NCKAP5: variants seen among roughly 807,000 people sequenced by gnomAD.
The protein encoded by NCKAP5 is NCK associated protein 5.
Under a neutral mutation model 167.0 loss-of-function variants are expected in NCKAP5, and 92 were observed. The observed-to-expected ratio is 0.55, with a 90% CI of 0.47 to 0.66. NCKAP5 has a LOEUF of 0.66. Among genes scored for constraint, NCKAP5 ranks in the 30% least tolerant of loss-of-function variants. NCKAP5 has a pLI of 0.00. For synonymous variants in NCKAP5, 891 were observed against 877.4 expected (o/e 1.02, Z -0.27); for missense variants, 2,378 against 2,315.0 (o/e 1.03, Z -0.56).
chr2:133,043,658 G>A (rs918860795), intron 6 of NCKAP5, among the ~76,000 whole-genome samples: 11 of 152,158 alleles, frequency 7.2e-5, no homozygotes, highest in African/African-American at 2.7e-4. Flanking sequence ...TGTTTCATAA[G>A]AGTTAACATT....
chr2:133,475,691 T>C (rs1471541632), intron 3 of NCKAP5, among the ~76,000 whole-genome samples: 9 of 152,230 alleles, frequency 5.9e-5, no homozygotes, highest in Non-Finnish European at 1.2e-4. Context: ...TTAGCCATGC[T>C]TTCCACAGAT....
At chr2:133,180,385 A>G (rs2084678034) in intron 5 of NCKAP5, among the ~76,000 whole-genome samples, 2 of 151,982 alleles carry the variant, frequency 1.3e-5, no homozygotes, top group East Asian at 3.9e-4. Context: ...TTCAGGCTAT[A>G]GTACAGTGGC....
At chr2:133,655,532 C>T in the NCKAP5 span, among the ~76,000 whole-genome samples, 10 of 152,202 alleles carry the variant, frequency 6.6e-5, no homozygotes, top group South Asian at 8.3e-4. Flanking sequence ...TACAGGTCTG[C>T]GATAGATTCA....
At chr2:133,027,372 C>G (rs761604472) in intron 6 of NCKAP5, among the ~76,000 whole-genome samples, 3 of 152,072 alleles carry the variant, frequency 2.0e-5, no homozygotes, top group Non-Finnish European at 4.4e-5. Context: ...TATTCCAAAC[C>G]CCATTTTAAG....
At chr2:132,758,992 G>A (rs556895492) in intron 16 of NCKAP5, among the ~76,000 whole-genome samples, 18 of 152,232 alleles carry the variant, frequency 1.2e-4, no homozygotes, top group Admixed American at 1.2e-3. Context: ...ACTACCCGTT[G>A]ATAAAGTAAC....
intron 3 of NCKAP5, among the ~76,000 whole-genome samples, chr2:133,516,202 T>C (rs956819433): frequency 1.3e-5 from 2 of 152,022 alleles, no homozygotes; most frequent in South Asian, 4.2e-4. Context: ...GGCTGAGAAA[T>C]TATCTCTTTA....
chr2:132,803,574 C>T (rs1025829859), intron 11 of NCKAP5, among the ~76,000 whole-genome samples: 28 of 152,308 alleles, frequency 1.8e-4, no homozygotes, highest in African/African-American at 5.8e-4. Flanking sequence ...AAAGTTTATT[C>T]GTGGTCTCTG....
At chr2:133,473,304 C>T (rs1679526859) in intron 3 of NCKAP5, among the ~76,000 whole-genome samples, 2 of 151,990 alleles carry the variant, frequency 1.3e-5, no homozygotes, top group African/African-American at 4.8e-5. Flanking sequence ...TGCACTCCAG[C>T]CTGGGCGACA....
intron 3 of NCKAP5, among the ~76,000 whole-genome samples, chr2:133,427,998 A>G (rs1689920382): frequency 6.6e-6 from 1 of 152,110 alleles, no homozygotes; most frequent in African/African-American, 2.4e-5. Context: ...ATATTTGGAT[A>G]CAGGTATTAT....
At chr2:133,588,159 G>T in the NCKAP5 span, among the ~76,000 whole-genome samples, 1 of 152,076 alleles carries the variant, frequency 6.6e-6, no homozygotes, top group Non-Finnish European at 1.5e-5. Context: ...TGTATTTCTT[G>T]TTGGCAATGA....
rs1344440440 is a variant in NCKAP5 at position 133,272,282 on chromosome 2, A to G, written c.143+30755T>C. On this transcript the variant is annotated intron_variant, in intron 4 of 19. Coordinates refer to ENST00000409261, the MANE Select transcript of NCKAP5 (RefSeq NM_207363.3). Reference sequence around the variant, plus strand: ...TGAAATCAAAGTCTAATAAAAGAGAACACAAATCAATACAGGATCAATAAA... The same window carrying G: ...TGAAATCAAAGTCTAATAAAAGAGAGCACAAATCAATACAGGATCAATAAA... Among the ~76,000 whole-genome samples the G allele has an allele frequency of 3.3e-5, 5 of 152,140 alleles. No homozygotes were observed. In the East Asian group the frequency reaches 9.6e-4, roughly 29 times the overall value.
intron 5 of NCKAP5, among the ~76,000 whole-genome samples, chr2:133,201,516 A>G (rs535061201): frequency 6.6e-6 from 1 of 152,322 alleles, no homozygotes; most frequent in East Asian, 1.9e-4. Flanking sequence ...ACTGATACAT[A>G]TATTACATAA....
At chr2:133,601,780 T>C in the NCKAP5 span, among the ~76,000 whole-genome samples, 1 of 152,192 alleles carries the variant, frequency 6.6e-6, no homozygotes, top group South Asian at 2.1e-4. Context: ...AAGAACTTTT[T>C]AAAGATTTTT....
intron 3 of NCKAP5, among the ~76,000 whole-genome samples, chr2:133,470,769 A>G (rs1380335336): frequency 3.9e-5 from 6 of 152,004 alleles, no homozygotes; most frequent in African/African-American, 9.7e-5. Flanking sequence ...GAGTGACCCG[A>G]TTTTCCAGGT....
chr2:133,260,512 T>C (rs762295810), intron 4 of NCKAP5, among the ~76,000 whole-genome samples: 2 of 152,184 alleles, frequency 1.3e-5, no homozygotes, highest in Non-Finnish European at 2.9e-5. Context: ...AATATTTAGA[T>C]AGCCCTACAT....
chr2:132,786,117 A>AT (rs1263827328), intron 13 of NCKAP5, among the ~76,000 whole-genome samples: 2 of 152,076 alleles, frequency 1.3e-5, no homozygotes, highest in African/African-American at 4.8e-5. Flanking sequence ...AGGTATATAT[A>AT]TTTTTTTCTT....
chr2:133,414,659 C>G (rs764011734), intron 3 of NCKAP5, among the ~76,000 whole-genome samples: 1 of 152,184 alleles, frequency 6.6e-6, no homozygotes, highest in Non-Finnish European at 1.5e-5. Context: ...CTTACACCAC[C>G]TCTCACTATG....
intron 3 of NCKAP5, among the ~76,000 whole-genome samples, chr2:133,314,987 G>T (rs1233419939): frequency 6.6e-6 from 1 of 152,210 alleles, no homozygotes; most frequent in Non-Finnish European, 1.5e-5. Flanking sequence ...ACAGCACAGA[G>T]GCCAGTGTGG....
chr2:133,156,020 C>T (rs2083565071), intron 5 of NCKAP5, among the ~76,000 whole-genome samples: 2 of 152,222 alleles, frequency 1.3e-5, no homozygotes, highest in African/African-American at 4.8e-5. Flanking sequence ...GCTCTTAAGA[C>T]AGGGCAATGA....
Sources: gnomAD v4.1 joint callset for allele counts (sites outside exome capture counted in the v4.1 genomes callset) on GRCh38, gnomAD v4.1.1 for gene constraint, MANE v1.5 for transcripts, NCBI Gene and HGNC (gene_info 2026-07-23, HGNC 2026-07-21) for gene names.